Variants in ADGRG7 observed in about 807,000 individuals in gnomAD.
The protein encoded by ADGRG7 is adhesion G protein-coupled receptor G7, also known as G-protein coupled receptor 128.
In ADGRG7, 82 loss-of-function variants were observed where a neutral mutation model predicts 88.6. The observed-to-expected ratio is 0.93, with a 90% CI of 0.77 to 1.11. The LOEUF (loss-of-function observed/expected upper bound fraction) is 1.11, where lower values mean the gene tolerates loss of function less well. Ranked by LOEUF, ADGRG7 falls within the 50% of genes most tolerant of loss-of-function variation. The pLI is 0.00. For missense variants in ADGRG7, 945 were observed against 953.4 expected, an observed-to-expected ratio of 0.99 and a Z score of 0.12; for synonymous variants, 381 against 345.2, an observed-to-expected ratio of 1.10 and a Z score of -1.15.
intron 1 of ADGRG7, among the ~76,000 whole-genome samples, chr3:100,623,948 C>T (rs1219193904): frequency 6.6e-6 from 1 of 152,136 alleles, no homozygotes; most frequent in East Asian, 1.9e-4. Context: ...TCCAGTCTAT[C>T]ATTGATGGAC....
intron 1 of ADGRG7, among the ~76,000 whole-genome samples, chr3:100,622,264 A>ATTTTTTTTTTTTTTT (rs57699713): frequency 7.6e-6 from 1 of 130,910 alleles, no homozygotes; most frequent in African/African-American, 3.0e-5. Context: ...CTCTATATTC[A>ATTTTTTTTTTTTTTT]TTTTTTTTTT....
chr3:100,647,477 T>C (rs1319718894), intron 10 of ADGRG7, among the ~76,000 whole-genome samples: 3 of 152,238 alleles, frequency 2.0e-5, no homozygotes, highest in Non-Finnish European at 4.4e-5. Flanking sequence ...ACTAAGTTTT[T>C]GCTAGAAGAT....
intron 7 of ADGRG7, 25 bp downstream of exon 7, chr3:100,643,430 G>A (rs771085330): frequency 6.2e-7 from 1 of 1,613,050 alleles, no homozygotes; most frequent in Non-Finnish European, 8.5e-7. Flanking sequence ...TTATGTGCTT[G>A]TAACAGCAAA....
chr3:100,673,886 G>T (rs2094961716), intron 15 of ADGRG7, among the ~76,000 whole-genome samples: 2 of 152,098 alleles, frequency 1.3e-5, no homozygotes, highest in African/African-American at 4.8e-5. Flanking sequence ...TCTGATCTTA[G>T]TTATTTCTTG....
intron 1 of ADGRG7, among the ~76,000 whole-genome samples, chr3:100,624,518 G>A (rs1228993536): frequency 2.0e-5 from 3 of 152,118 alleles, no homozygotes; most frequent in African/African-American, 7.2e-5. Flanking sequence ...TTATTTTGCT[G>A]TGCAGAAGCT....
intron 15 of ADGRG7, among the ~76,000 whole-genome samples, chr3:100,676,907 G>T (rs1474162746): frequency 1.3e-5 from 2 of 151,620 alleles, no homozygotes; most frequent in Non-Finnish European, 3.0e-5. Flanking sequence ...TTTTTTCTAA[G>T]TAGAGCTACT....
At chr3:100,669,974 G>A (rs1049489119) in intron 15 of ADGRG7, among the ~76,000 whole-genome samples, 1 of 151,372 alleles carries the variant, frequency 6.6e-6, no homozygotes, top group Non-Finnish European at 1.5e-5. Flanking sequence ...GGAGGTGGAG[G>A]TTGCAGTGAG....
chr3:100,643,146 A>C (rs2149024296), intron 6 of ADGRG7, 120 bp from the exon 7 acceptor site: 7 of 865,738 alleles, frequency 8.1e-6, no homozygotes, highest in Non-Finnish European at 1.2e-5. Context: ...GGCAATTGTC[A>C]ATGTTGTCAT....
At chr3:100,678,901 C>T (rs2094969168) in intron 15 of ADGRG7, among the ~76,000 whole-genome samples, 2 of 152,328 alleles carry the variant, frequency 1.3e-5, no homozygotes, top group South Asian at 4.1e-4. Flanking sequence ...TGCGCTGGGT[C>T]AGAACTACAG....
intron 4 of ADGRG7, 25 bp downstream of exon 4, chr3:100,633,402 G>A (rs1039440626): frequency 2.3e-6 from 3 of 1,304,442 alleles, no homozygotes; most frequent in Non-Finnish European, 3.2e-6. Context: ...TCACTGATGG[G>A]CAACTGGAAG....
chr3:100,617,300 A>G (rs867017223), intron 1 of ADGRG7, among the ~76,000 whole-genome samples: 51 of 152,108 alleles, frequency 3.4e-4, no homozygotes, highest in African/African-American at 1.1e-3. Flanking sequence ...TACATGTGCC[A>G]TGTTGGTGTG....
intron 13 of ADGRG7, among the ~76,000 whole-genome samples, chr3:100,656,741 A>G (rs2094938133): frequency 6.6e-6 from 1 of 151,630 alleles, no homozygotes; most frequent in Non-Finnish European, 1.5e-5. Context: ...AATGAAAGCA[A>G]AACTTTTGGA....
chr3:100,643,476 T>C, intron 7 of ADGRG7, 50 bp from the exon 8 acceptor site: 6 of 1,608,218 alleles, frequency 3.7e-6, no homozygotes, highest in Non-Finnish European at 5.1e-6. Flanking sequence ...AATAATGCTC[T>C]ACTCATGATA....
chr3:100,646,752 CA>C, intron 10 of ADGRG7, 28 bp downstream of exon 10: 1 of 1,588,044 alleles, frequency 6.3e-7, no homozygotes, highest in South Asian at 1.1e-5. Flanking sequence ...AATCTCTTTC[CA>C]GATGAGAATT....
intron 15 of ADGRG7, among the ~76,000 whole-genome samples, chr3:100,691,648 T>C (rs2094993999): frequency 8.0e-6 from 1 of 125,210 alleles, no homozygotes; most frequent in African/African-American, 2.7e-5. Context: ...CTTATGTTAC[T>C]TTAATACATT....
At chr3:100,645,011 T>C (rs536674430) in intron 8 of ADGRG7, among the ~76,000 whole-genome samples, 1 of 152,190 alleles carries the variant, frequency 6.6e-6, no homozygotes, top group Non-Finnish European at 1.5e-5. Flanking sequence ...GGAGGACAAT[T>C]TGGGGGCTGT....
intron 1 of ADGRG7, among the ~76,000 whole-genome samples, chr3:100,611,240 TG>T (rs1437657104): frequency 1.5e-5 from 2 of 132,690 alleles, no homozygotes; most frequent in East Asian, 2.5e-4. Flanking sequence ...TTTGTTTGTT[TG>T]TTTTTCCTTC....
intron 15 of ADGRG7, among the ~76,000 whole-genome samples, chr3:100,679,347 G>A (rs1189894484): frequency 1.3e-5 from 2 of 152,216 alleles, no homozygotes; most frequent in Non-Finnish European, 1.5e-5. Context: ...AGTCAAGGCA[G>A]TGTACTCTCC....
intron 14 of ADGRG7, among the ~76,000 whole-genome samples, chr3:100,660,368 G>A (rs911132597): frequency 1.7e-4 from 26 of 152,056 alleles, no homozygotes; most frequent in African/African-American, 6.3e-4. Context: ...GCAGTGGCAC[G>A]ATCACAGCTC....
Sources: allele counts gnomAD v4.1 joint callset (sites outside exome capture counted in the v4.1 genomes callset), GRCh38; gene constraint gnomAD v4.1.1; transcripts MANE v1.5; gene names NCBI Gene and HGNC (gene_info 2026-07-23, HGNC 2026-07-21).